The following LRP1B variants were observed in gnomAD, a reference collection of about 807,000 sequenced individuals.
LRP1B encodes the protein LDL receptor related protein 1B, also known as low-density lipoprotein receptor-related protein 1B.
A neutral mutation model predicts 556.6 loss-of-function variants in LRP1B; 217 were observed. The ratio of observed to expected loss-of-function variants is 0.39; its 90% CI spans 0.35 to 0.44. LRP1B has a LOEUF of 0.44. Ranked by LOEUF, LRP1B falls within the 20% of genes least tolerant of loss-of-function variation. The pLI, the probability that LRP1B is intolerant of heterozygous loss-of-function variation, is 1.00. For synonymous variants in LRP1B, 2,047 were observed against 1,865.8 expected, an observed-to-expected ratio of 1.10 and a Z score of -2.50; for missense variants, 5,053 against 5,620.8, an observed-to-expected ratio of 0.90 and a Z score of 3.23.
intron 2 of LRP1B, among the ~76,000 whole-genome samples, chr2:141,566,083 T>C (rs1336399280): frequency 6.6e-6 from 1 of 151,818 alleles, no homozygotes; most frequent in Non-Finnish European, 1.5e-5. Flanking sequence ...ACTAATAATA[T>C]GCCTGGCAGA....
At chr2:141,267,594 A>C (rs553925741) in intron 3 of LRP1B, among the ~76,000 whole-genome samples, 5 of 152,284 alleles carry the variant, frequency 3.3e-5, no homozygotes, top group Non-Finnish European at 7.4e-5. Context: ...TAAAATAACC[A>C]ATATCAGATC....
intron 6 of LRP1B, among the ~76,000 whole-genome samples, chr2:141,199,197 A>AT (rs1681891005): frequency 6.6e-6 from 1 of 152,154 alleles, no homozygotes; most frequent in South Asian, 2.1e-4. Context: ...TCCCGCACAA[A>AT]TGCTTTCAGA....
chr2:140,558,397 T>C (rs1558966928), intron 43 of LRP1B, among the ~76,000 whole-genome samples: 1 of 152,202 alleles, frequency 6.6e-6, no homozygotes, highest in Non-Finnish European at 1.5e-5. Context: ...ACCCATATCA[T>C]AGAATATCAT....
chr2:140,779,466 G>A (rs1689613167), intron 32 of LRP1B, among the ~76,000 whole-genome samples: 1 of 152,098 alleles, frequency 6.6e-6, no homozygotes, highest in Admixed American at 6.5e-5. Context: ...GGAGGCCAAA[G>A]TGGGTGGATC....
At chr2:141,970,399 G>A (rs1004534010) in intron 1 of LRP1B, among the ~76,000 whole-genome samples, 2 of 151,492 alleles carry the variant, frequency 1.3e-5, no homozygotes, top group Admixed American at 6.6e-5. Flanking sequence ...TCAGTGATAC[G>A]ATGAATGATG....
chr2:141,528,109 T>C (rs1481783862), intron 2 of LRP1B, among the ~76,000 whole-genome samples: 1 of 151,604 alleles, frequency 6.6e-6, no homozygotes, highest in African/African-American at 2.4e-5. Context: ...CCCCTAGATG[T>C]CTCCACGCTC....
At chr2:141,511,710 T>C (rs1056069531) in intron 2 of LRP1B, among the ~76,000 whole-genome samples, 1 of 152,196 alleles carries the variant, frequency 6.6e-6, no homozygotes. Flanking sequence ...CTCTCCACTG[T>C]GGCCTAACAA....
chr2:141,799,769 T>C (rs1695941597), intron 2 of LRP1B, among the ~76,000 whole-genome samples: 1 of 151,802 alleles, frequency 6.6e-6, no homozygotes, highest in Admixed American at 6.6e-5. Flanking sequence ...TCCAGAAACT[T>C]CACTGTTACG....
At chr2:141,291,290 C>T (rs1179423009) in intron 3 of LRP1B, among the ~76,000 whole-genome samples, 2 of 152,052 alleles carry the variant, frequency 1.3e-5, no homozygotes, top group African/African-American at 4.8e-5. Flanking sequence ...CTAATATTTT[C>T]ACGAGTTTTT....
intron 1 of LRP1B, among the ~76,000 whole-genome samples, chr2:142,012,799 A>G (rs1369458392): frequency 6.6e-6 from 1 of 152,232 alleles, no homozygotes; most frequent in African/African-American, 2.4e-5. Flanking sequence ...AAAAACAAGT[A>G]AAATCAGTAG....
chr2:140,265,887 T>A (rs929230435), intron 86 of LRP1B, among the ~76,000 whole-genome samples: 29 of 152,030 alleles, frequency 1.9e-4, no homozygotes, highest in African/African-American at 6.5e-4. Flanking sequence ...CATTGACACT[T>A]TATTTTTAAT....
intron 35 of LRP1B, among the ~76,000 whole-genome samples, chr2:140,752,957 A>G (rs1688632398): frequency 6.6e-6 from 1 of 152,210 alleles, no homozygotes; most frequent in Non-Finnish European, 1.5e-5. Flanking sequence ...ACAAATGTAT[A>G]ATAACATGTA....
At chr2:140,446,807 A>G (rs991359051) in intron 63 of LRP1B, among the ~76,000 whole-genome samples, 2 of 152,164 alleles carry the variant, frequency 1.3e-5, no homozygotes, top group African/African-American at 4.8e-5. Flanking sequence ...ACAGGCAACA[A>G]AAGCAAACAC....
At chr2:141,019,479 G>A (rs149576148) in intron 12 of LRP1B, among the ~76,000 whole-genome samples, 1 of 152,042 alleles carries the variant, frequency 6.6e-6, no homozygotes, top group East Asian at 1.9e-4. Flanking sequence ...GAGGATTATT[G>A]TAAGGGTTAC....
chr2:141,018,794 AC>A (rs1697984462), intron 12 of LRP1B, among the ~76,000 whole-genome samples: 1 of 152,136 alleles, frequency 6.6e-6, no homozygotes, highest in Admixed American at 6.6e-5. Context: ...ACATAAAATC[AC>A]CAAAATTACT....
intron 2 of LRP1B, among the ~76,000 whole-genome samples, chr2:141,706,509 G>A (rs1029766309): frequency 3.9e-5 from 6 of 152,086 alleles, no homozygotes; most frequent in Non-Finnish European, 1.5e-5. Flanking sequence ...TCTCAGTGTG[G>A]TGAGTATCCT....
chr2:141,715,616 AC>A, intron 2 of LRP1B, among the ~76,000 whole-genome samples: 1 of 152,190 alleles, frequency 6.6e-6, no homozygotes, highest in South Asian at 2.1e-4. Context: ...GGAGTTTGAG[AC>A]CAGCCTGACC....
In LRP1B at chr2:140,495,640, C is replaced by T. The variant is rs2104873365; in HGVS notation, c.8959G>A (p.Gly2987Arg). The change falls in exon 56 of 91, where the codon GGG becomes AGG. Residue 2987 changes from glycine to arginine, a missense_variant. Gly to Arg is a moderately radical substitution (Grantham distance 125). This residue lies in a region of LRP1B where 3,619 missense variants were observed against 3,931.9 expected (regional missense o/e 0.92). Coordinates refer to ENST00000389484, the MANE Select transcript of LRP1B (RefSeq NM_018557.3). Reference sequence around the variant, plus strand: ...TCTGTACAGAGGCACTTGTAAGTCCCGTATGTATTGATGCATTGCTGGCTA... The same window carrying T: ...TCTGTACAGAGGCACTTGTAAGTCCTGTATGTATTGATGCATTGCTGGCTA... ...PCSQQCINTYGTYKCLCTDGY... is the reference protein window; with the variant it reads ...PCSQQCINTYRTYKCLCTDGY... 1 of 1,613,888 alleles carries T rather than the reference C, an allele frequency of 6.2e-7. No homozygotes were observed. The highest frequency in any genetic ancestry group is 1.1e-5 in the South Asian group (1 of 91,072).
intron 2 of LRP1B, among the ~76,000 whole-genome samples, chr2:141,550,868 G>A (rs1293201138): frequency 1.3e-5 from 2 of 152,014 alleles, no homozygotes; most frequent in Non-Finnish European, 1.5e-5. Context: ...GCTTTGAAAG[G>A]ATGATGTGTC....
Sources: gnomAD v4.1 joint callset for allele counts (sites outside exome capture counted in the v4.1 genomes callset) on GRCh38, gnomAD v4.1.1 for gene constraint, gnomAD v4.1.1 regional missense constraint, MANE v1.5 for transcripts, NCBI Gene and HGNC (gene_info 2026-07-23, HGNC 2026-07-21) for gene names.